The following ARHGEF4 variants were observed in gnomAD, a reference collection of about 807,000 sequenced individuals.
ARHGEF4 encodes APC-stimulated guanine nucleotide exchange factor 1.
A neutral mutation model predicts 162.0 loss-of-function variants in ARHGEF4; 119 were observed. The observed-to-expected ratio is 0.73, with a 90% CI of 0.63 to 0.86. The LOEUF (loss-of-function observed/expected upper bound fraction) is 0.86, where lower values mean the gene tolerates loss of function less well. ARHGEF4 is among the 40% of genes least tolerant of loss of function. ARHGEF4 has a pLI of 0.00. For missense variants in ARHGEF4, 2,488 were observed against 2,456.0 expected (o/e 1.01, Z -0.28); for synonymous variants, 1,014 against 979.9 (o/e 1.03, Z -0.65).
chr2:131,036,452 A>G (rs751769226), intron 5 of ARHGEF4, among the ~76,000 whole-genome samples: 27 of 152,136 alleles, frequency 1.8e-4, no homozygotes, highest in Non-Finnish European at 3.4e-4. Flanking sequence ...CCTCCTCCCC[A>G]AGGTCTTCCA....
At chr2:130,981,657 CAAAAA>C (rs1293791852) in intron 4 of ARHGEF4, among the ~76,000 whole-genome samples, 1 of 74,640 alleles carries the variant, frequency 1.3e-5, no homozygotes, top group Non-Finnish European at 2.8e-5. Flanking sequence ...GACTCCATCT[CAAAAA>C]AAAAAAAAAA....
At chr2:130,871,566 T>C (rs1015965349) in intron 1 of ARHGEF4, among the ~76,000 whole-genome samples, 18 of 142,018 alleles carry the variant, frequency 1.3e-4, no homozygotes, top group African/African-American at 8.4e-5. Flanking sequence ...CATATATATA[T>C]ACACATATAT....
At chr2:130,905,527 A>G (rs970255300) in intron 1 of ARHGEF4, among the ~76,000 whole-genome samples, 2 of 152,016 alleles carry the variant, frequency 1.3e-5, no homozygotes, top group Admixed American at 1.3e-4. Context: ...TCAGTATTTT[A>G]TTAACTGGAA....
intron 4 of ARHGEF4, among the ~76,000 whole-genome samples, chr2:130,967,930 T>G (rs973981565): frequency 6.6e-6 from 1 of 152,242 alleles, no homozygotes; most frequent in African/African-American, 2.4e-5. Flanking sequence ...TCAGTCACTC[T>G]GCCTCAATAT....
In ARHGEF4 at chr2:131,012,019, G is replaced by A. The variant is rs1450595586; in HGVS notation, c.3986-15926G>A. 3 of 666,092 alleles carry A rather than the reference G, an allele frequency of 4.5e-6. No homozygotes were observed. In the African/African-American group the frequency reaches 5.4e-5, roughly 12 times the overall value. 41.3% of individuals were successfully genotyped at this position (666,092 alleles called of 1,614,324 possible). On this transcript the variant is annotated intron_variant, in intron 4 of 13. Transcript: ENST00000409359. ...GATGTGAACTGAAAGAAAGACAGGC[G>A]TCAGGATAACCAAAATTATCCTTGC...
At position 130,915,821 on chromosome 2, in the gene ARHGEF4, G is replaced by T. The variant is rs1054899228; in HGVS notation, c.1875G>T (p.Ser625=). 2 of 1,525,924 alleles carry T rather than the reference G, an allele frequency of 1.3e-6. No individual in the cohort carries two copies. The highest frequency in any genetic ancestry group is 1.4e-5 in the African/African-American group (1 of 72,234). The allele number at this position is 1,525,924 out of a possible 1,614,324, so 94.5% of individuals were successfully genotyped here. The change falls in exon 2 of 14, where the codon TCG becomes TCT. Residue 625 remains serine, a synonymous_variant. Coordinates refer to ENST00000409359, the MANE Select transcript of ARHGEF4 (RefSeq NM_001367493.1). The part of the protein sequence containing the change: ...QLEPKAGGEA[S]RGRGALIIVA... ...AGCCCAAAGCAGGCGGCGAGGCCTC[G>T]AGGGGCAGGGGCGCCCTCATCATTG...
intron 1 of ARHGEF4, among the ~76,000 whole-genome samples, chr2:130,840,008 T>G (rs1365933068): frequency 6.6e-6 from 1 of 152,174 alleles, no homozygotes; most frequent in East Asian, 1.9e-4. Flanking sequence ...ACAGAATCAG[T>G]AAGCCAAGAC....
At chr2:130,987,568 C>T (rs865780163) in intron 4 of ARHGEF4, among the ~76,000 whole-genome samples, 4 of 152,188 alleles carry the variant, frequency 2.6e-5, no homozygotes, top group Middle Eastern at 6.8e-3. Flanking sequence ...TTCAATCCTC[C>T]CCATTATTGG....
intron 4 of ARHGEF4, among the ~76,000 whole-genome samples, chr2:131,015,256 G>C (rs893636469): frequency 6.6e-6 from 1 of 152,228 alleles, no homozygotes; most frequent in Non-Finnish European, 1.5e-5. Context: ...GGTTTCTGTT[G>C]CCAAAGGAAC....
chr2:130,997,204 G>A (rs1687447500), intron 4 of ARHGEF4, among the ~76,000 whole-genome samples: 1 of 152,096 alleles, frequency 6.6e-6, no homozygotes, highest in African/African-American at 2.4e-5. Flanking sequence ...TGTGTTGATG[G>A]GGATCCAGCT....
At chr2:130,930,044 C>G (rs1271678771) in intron 2 of ARHGEF4, among the ~76,000 whole-genome samples, 1 of 152,062 alleles carries the variant, frequency 6.6e-6, no homozygotes, top group African/African-American at 2.4e-5. Context: ...CAGGGCCCAC[C>G]ACCACACCTG....
intron 1 of ARHGEF4, among the ~76,000 whole-genome samples, chr2:130,876,639 G>A (rs369390379): frequency 2.1e-3 from 322 of 152,258 alleles, no homozygotes; most frequent in Non-Finnish European, 3.6e-3. Context: ...TGATCCGCCC[G>A]CCTCGGCCTC....
chr2:130,992,327 C>G (rs1038623462), intron 4 of ARHGEF4, among the ~76,000 whole-genome samples: 3 of 151,578 alleles, frequency 2.0e-5, no homozygotes, highest in Non-Finnish European at 4.4e-5. Context: ...TTCTTTCGCT[C>G]TTTGCAATAA....
intron 1 of ARHGEF4, among the ~76,000 whole-genome samples, chr2:130,885,719 G>A (rs918831219): frequency 1.1e-4 from 17 of 151,416 alleles, no homozygotes; most frequent in Admixed American, 6.6e-4. Context: ...ACAGGCGCCC[G>A]CCACCATGCC....
chr2:130,906,751 A>G (rs1680835249), intron 1 of ARHGEF4, among the ~76,000 whole-genome samples: 1 of 152,204 alleles, frequency 6.6e-6, no homozygotes, highest in Non-Finnish European at 1.5e-5. Flanking sequence ...GTCATTCTCT[A>G]AAGTTCCTTA....
At chr2:130,907,009 T>G (rs1680851741) in intron 1 of ARHGEF4, among the ~76,000 whole-genome samples, 1 of 152,148 alleles carries the variant, frequency 6.6e-6, no homozygotes, top group African/African-American at 2.4e-5. Flanking sequence ...TGTTGCCCTT[T>G]AGTAGTAAAA....
At chr2:130,845,158 C>G (rs920936802) in intron 1 of ARHGEF4, among the ~76,000 whole-genome samples, 1 of 151,298 alleles carries the variant, frequency 6.6e-6, no homozygotes, top group Non-Finnish European at 1.5e-5. Flanking sequence ...AATGGAAACC[C>G]ATCTCTGAAA....
chr2:130,947,424 T>C (rs1683692729), intron 4 of ARHGEF4, among the ~76,000 whole-genome samples: 1 of 151,370 alleles, frequency 6.6e-6, no homozygotes. Context: ...ATTCCTAGAG[T>C]CCCCCAGCTT....
Position 131,041,906 on chromosome 2 carries a change from A to G in ARHGEF4, c.4987A>G (p.Lys1663Glu), listed in dbSNP as rs752186964. 2 of 1,613,652 alleles carry G rather than the reference A, an allele frequency of 1.2e-6. No homozygotes were observed. The highest frequency in any genetic ancestry group is 1.1e-5 in the South Asian group (1 of 91,088). Reference protein sequence around the residue: ...ERKRRLENIDKIAQWQSSIED... With the variant: ...ERKRRLENIDEIAQWQSSIED... ...GAAGCGGAGACTTGAGAACATCGAC[A>G]AGATTGCTCAGTGGCAGAGCTCCAT... Residue 1663 changes from lysine (K) to glutamate (E), a missense_variant, in exon 10 of 14, where the codon AAG becomes GAG. Physicochemically the swap from Lys to Glu is moderately conservative, Grantham distance 56. Transcript: ENST00000409359.
Sources: allele counts gnomAD v4.1 joint callset (sites outside exome capture counted in the v4.1 genomes callset), GRCh38; gene constraint gnomAD v4.1.1; transcripts MANE v1.5; gene names NCBI Gene and HGNC (gene_info 2026-07-23, HGNC 2026-07-21).